Variants in EMCN observed in about 807,000 individuals in gnomAD.
EMCN encodes MUC-14.
Under a neutral mutation model 38.4 loss-of-function variants are expected in EMCN, and 37 were observed. The ratio of observed to expected loss-of-function variants is 0.96; its 90% confidence interval spans 0.74 to 1.27. The LOEUF (loss-of-function observed/expected upper bound fraction) is 1.27. EMCN is among the 50% of genes most tolerant of loss of function. The pLI, the probability that EMCN is intolerant of heterozygous loss-of-function variation, is 0.00. For synonymous variants in EMCN, 95 were observed against 100.8 expected (o/e 0.94, Z 0.35); for missense variants, 318 against 302.8 (o/e 1.05, Z -0.37).
intron 11 of EMCN, among the ~76,000 whole-genome samples, chr4:100,400,783 C>T (rs1726237446): frequency 1.3e-5 from 2 of 152,166 alleles, no homozygotes; most frequent in Non-Finnish European, 2.9e-5. Flanking sequence ...AGAACAAACT[C>T]TAGTTTCATC....
At chr4:100,402,673 A>G (rs1393126181) in intron 11 of EMCN, among the ~76,000 whole-genome samples, 1 of 152,198 alleles carries the variant, frequency 6.6e-6, no homozygotes, top group Non-Finnish European at 1.5e-5. Context: ...TAGCTTTTCA[A>G]ATCAAAAGGC....
At chr4:100,427,803 T>A (rs1727092356) in intron 5 of EMCN, among the ~76,000 whole-genome samples, 1 of 152,150 alleles carries the variant, frequency 6.6e-6, no homozygotes, top group South Asian at 2.1e-4. Context: ...AATAGACATT[T>A]TAAACCCAAC....
At chr4:100,478,846 C>T (rs1728730446) in intron 2 of EMCN, among the ~76,000 whole-genome samples, 1 of 151,540 alleles carries the variant, frequency 6.6e-6, no homozygotes, top group African/African-American at 2.4e-5. Context: ...GTGAAAGTGT[C>T]CCAAAAAAGG....
At chr4:100,461,267 G>C (rs1340282566) in intron 4 of EMCN, among the ~76,000 whole-genome samples, 1 of 152,108 alleles carries the variant, frequency 6.6e-6, no homozygotes, top group South Asian at 2.1e-4. Flanking sequence ...TGTTCAGAGA[G>C]GGATTCTTTG....
intron 5 of EMCN, among the ~76,000 whole-genome samples, chr4:100,431,563 T>C (rs1032525501): frequency 6.6e-6 from 1 of 152,144 alleles, no homozygotes; most frequent in Non-Finnish European, 1.5e-5. Context: ...CACTGGCTCT[T>C]CTTGGAGCTT....
intron 4 of EMCN, among the ~76,000 whole-genome samples, chr4:100,459,308 T>C (rs906592324): frequency 5.9e-5 from 9 of 151,280 alleles, no homozygotes; most frequent in African/African-American, 2.2e-4. Context: ...GTACACCATA[T>C]ATATATACAT....
intron 4 of EMCN, among the ~76,000 whole-genome samples, chr4:100,451,175 G>A (rs1054783291): frequency 1.3e-5 from 2 of 151,586 alleles, no homozygotes; most frequent in Non-Finnish European, 3.0e-5. Flanking sequence ...TTTATGCCAA[G>A]CAAAACTGGT....
intron 11 of EMCN, among the ~76,000 whole-genome samples, chr4:100,401,876 C>T (rs1726269390): frequency 1.3e-5 from 2 of 152,098 alleles, no homozygotes; most frequent in African/African-American, 4.8e-5. Flanking sequence ...GGTGAGGGAG[C>T]AACCAGGTAG....
chr4:100,417,658 C>T lies in EMCN; in HGVS notation c.665-517G>A, dbSNP rs541559666. Among the ~76,000 whole-genome samples, 32 of 152,290 alleles carry T rather than the reference C, an allele frequency of 2.1e-4. No individual in the cohort carries two copies. The South Asian group carries it at 6.6e-3, about 32-fold the overall frequency. ...GATTCAGCCTCTCAAAAGAGCCCTG[C>T]AAAATGTCGCAGAGGCTACTAGCTG... On this transcript the variant is annotated intron_variant, in intron 8 of 11. Transcript: ENST00000296420.
chr4:100,399,126 TC>T (rs1726187511), intron 11 of EMCN, among the ~76,000 whole-genome samples: 3 of 152,194 alleles, frequency 2.0e-5, no homozygotes, highest in South Asian at 4.1e-4. Flanking sequence ...TGCCACTTCT[TC>T]ATAGGAAAGG....
intron 4 of EMCN, among the ~76,000 whole-genome samples, chr4:100,447,865 A>G (rs923070848): frequency 3.3e-5 from 5 of 152,110 alleles, no homozygotes; most frequent in African/African-American, 4.8e-5. Context: ...GCAGCCATAC[A>G]CAGTATCTAA....
At chr4:100,405,086 G>A (rs992271020) in intron 11 of EMCN, among the ~76,000 whole-genome samples, 1 of 152,100 alleles carries the variant, frequency 6.6e-6, no homozygotes, top group African/African-American at 2.4e-5. Context: ...CTTTGCTGAA[G>A]TTGTTTATCA....
intron 5 of EMCN, among the ~76,000 whole-genome samples, chr4:100,445,679 T>C (rs935293503): frequency 6.6e-6 from 1 of 152,194 alleles, no homozygotes; most frequent in Non-Finnish European, 1.5e-5. Flanking sequence ...TTAACATCTT[T>C]GATGCCAAAT....
intron 2 of EMCN, among the ~76,000 whole-genome samples, chr4:100,479,049 G>A (rs1482041697): frequency 6.6e-6 from 1 of 152,142 alleles, no homozygotes; most frequent in Non-Finnish European, 1.5e-5. Context: ...TTGTCTCTGA[G>A]AATCACCACC....
At chr4:100,515,608 G>A (rs1226794499) in intron 1 of EMCN, among the ~76,000 whole-genome samples, 2 of 151,944 alleles carry the variant, frequency 1.3e-5, no homozygotes, top group South Asian at 2.1e-4. Flanking sequence ...AAATTACTAC[G>A]CAAAAGAGCA....
chr4:100,501,386 A>G (rs72910817), intron 1 of EMCN, among the ~76,000 whole-genome samples: 5,165 of 152,198 alleles, frequency 0.034, 306 homozygotes, highest in African/African-American at 0.12. Context: ...AGAGCTCTCT[A>G]TTCTTTTCTA....
intron 1 of EMCN, among the ~76,000 whole-genome samples, chr4:100,509,524 T>G (rs1242510251): frequency 6.6e-6 from 1 of 152,142 alleles, no homozygotes; most frequent in Non-Finnish European, 1.5e-5. Context: ...AATGTAGGAG[T>G]GGCCTTTGTA....
chr4:100,473,580 A>C (rs1241855240), intron 3 of EMCN, among the ~76,000 whole-genome samples: 1 of 151,746 alleles, frequency 6.6e-6, no homozygotes. Context: ...TGCATTCAAG[A>C]AGTTCAAGAA....
At chr4:100,401,785 A>G (rs1008094369) in intron 11 of EMCN, among the ~76,000 whole-genome samples, 19 of 151,986 alleles carry the variant, frequency 1.3e-4, no homozygotes, top group South Asian at 2.1e-4. Context: ...TTCTAACACC[A>G]CAGTTCTTCA....
Sources: gnomAD v4.1 joint callset for allele counts (sites outside exome capture counted in the v4.1 genomes callset) on GRCh38, gnomAD v4.1.1 for gene constraint, MANE v1.5 for transcripts, NCBI Gene and HGNC (gene_info 2026-07-23, HGNC 2026-07-21) for gene names.